Variants in INO80 observed in about 807,000 individuals in gnomAD.
INO80 encodes the protein INO80 complex ATPase subunit.
In INO80, 20 loss-of-function variants were observed where a neutral mutation model predicts 203.4. The observed-to-expected ratio is 0.10, with a 90% CI of 0.07 to 0.14. The LOEUF (loss-of-function observed/expected upper bound fraction) is 0.14. Ranked by LOEUF, INO80 falls within the 10% of genes least tolerant of loss-of-function variation. The pLI, the probability that INO80 is intolerant of heterozygous loss-of-function variation, is 1.00. For missense variants in INO80, 1,419 were observed against 1,914.4 expected (o/e 0.74, Z 4.83); for synonymous variants, 726 against 685.2 (o/e 1.06, Z -0.93).
chr15:41,075,654 C>T (rs866297652), intron 9 of INO80, among the ~76,000 whole-genome samples: 1 of 152,144 alleles, frequency 6.6e-6, no homozygotes, highest in Non-Finnish European at 1.5e-5. Flanking sequence ...CGCGGTTTCA[C>T]TGCGTTAGCC....
intron 28 of INO80, among the ~76,000 whole-genome samples, chr15:40,997,919 T>G (rs1035264462): frequency 6.6e-6 from 1 of 152,102 alleles, no homozygotes; most frequent in Non-Finnish European, 1.5e-5. Context: ...TCTCTCACTG[T>G]CATATTTTTA....
At chr15:41,112,711 C>G (rs1040612794) in intron 1 of INO80, among the ~76,000 whole-genome samples, 1 of 144,246 alleles carries the variant, frequency 6.9e-6, no homozygotes, top group African/African-American at 2.5e-5. Flanking sequence ...TTTCTTGAAC[C>G]CGGGAGGCAG....
chr15:41,095,974 A>C, intron 2 of INO80, 46 bp from the exon 3 acceptor site: 1 of 1,559,604 alleles, frequency 6.4e-7, no homozygotes, highest in Non-Finnish European at 8.8e-7. Context: ...ACCCAATAAA[A>C]TATAATTTAA....
chr15:41,108,540 C>T (rs1306801630), intron 1 of INO80, among the ~76,000 whole-genome samples: 2 of 146,604 alleles, frequency 1.4e-5, no homozygotes, highest in African/African-American at 2.5e-5. Flanking sequence ...TGCAGTGAGC[C>T]GAGATCTCGC....
chr15:41,031,527 A>AG (rs1181759533), intron 24 of INO80, among the ~76,000 whole-genome samples: 8 of 17,148 alleles, frequency 4.7e-4, no homozygotes, highest in Middle Eastern at 0.024. Flanking sequence ...GAAGGGAGGA[A>AG]GGAGAAGGGA....
chr15:41,042,656 T>C (rs2044688206), intron 24 of INO80, among the ~76,000 whole-genome samples: 1 of 151,928 alleles, frequency 6.6e-6, no homozygotes, highest in Non-Finnish European at 1.5e-5. Flanking sequence ...GTATTTTTAG[T>C]AGATGTGGGG....
Position 41,049,343 on chromosome 15 carries a change from A to G in INO80, c.2520T>C (p.Ile840=). Residue 840 remains isoleucine (I), a synonymous_variant, in exon 21 of 36, where the codon ATT becomes ATC. Coordinates refer to ENST00000648947, the MANE Select transcript of INO80 (RefSeq NM_017553.3). ...GTCCATGACGGTAGATAAACTTTGA[A>G]ATGTGGTATGGCTTTAGGGAAATAT... ...PFHISLKPYH[I]SKFIYRHGQI... 2 of 1,613,916 alleles carry G rather than the reference A, an allele frequency of 1.2e-6. No individual in the cohort carries two copies. The highest frequency in any genetic ancestry group is 1.7e-6 in the Non-Finnish European group (2 of 1,179,762).
intron 26 of INO80, chr15:41,019,388 C>CT (rs1450708243): frequency 6.6e-5 from 10 of 152,298 alleles, no homozygotes; most frequent in Admixed American, 1.3e-4. Context: ...GCCAGTGAGG[C>CT]TGGTGCTTTT....
At chr15:40,998,900 G>A (rs1383514381) in intron 28 of INO80, among the ~76,000 whole-genome samples, 2 of 151,340 alleles carry the variant, frequency 1.3e-5, no homozygotes, top group Non-Finnish European at 2.9e-5. Flanking sequence ...GGTGATGCAC[G>A]TGCCTCAGCC....
intron 1 of INO80, among the ~76,000 whole-genome samples, chr15:41,113,352 C>T (rs1295465341): frequency 2.6e-5 from 4 of 152,084 alleles, no homozygotes; most frequent in African/African-American, 4.8e-5. Flanking sequence ...CTGCAACCTC[C>T]GCCTCCCGGG....
At chr15:40,980,659 C>A (rs1893792622) in intron 35 of INO80, among the ~76,000 whole-genome samples, 1 of 152,114 alleles carries the variant, frequency 6.6e-6, no homozygotes, top group Non-Finnish European at 1.5e-5. Flanking sequence ...TGATACCTAC[C>A]CAACCCTCTC....
intron 1 of INO80, among the ~76,000 whole-genome samples, chr15:41,096,659 C>T (rs1455317488): frequency 1.3e-5 from 2 of 152,164 alleles, no homozygotes; most frequent in East Asian, 3.9e-4. Flanking sequence ...TTATCCCTTT[C>T]AATAAAAAAT....
chr15:41,077,337 AACAAT>A (rs1450558541), intron 9 of INO80, among the ~76,000 whole-genome samples: 4 of 151,274 alleles, frequency 2.6e-5, no homozygotes, highest in East Asian at 1.9e-4. Flanking sequence ...CCAAAAGAAA[AACAAT>A]ACAATAGGGA....
At chr15:41,030,881 C>A (rs532151611) in intron 24 of INO80, among the ~76,000 whole-genome samples, 3 of 151,152 alleles carry the variant, frequency 2.0e-5, no homozygotes, top group African/African-American at 7.3e-5. Context: ...CATATTGGCC[C>A]GGCTGGTCTC....
At chr15:41,062,962 A>G (rs1272317266) in intron 14 of INO80, among the ~76,000 whole-genome samples, 1 of 152,224 alleles carries the variant, frequency 6.6e-6, no homozygotes, top group Admixed American at 6.5e-5. Context: ...AATCAGTCCA[A>G]AAGGACATAA....
intron 24 of INO80, among the ~76,000 whole-genome samples, chr15:41,033,212 A>C (rs2044517470): frequency 6.6e-6 from 1 of 152,122 alleles, no homozygotes; most frequent in South Asian, 2.1e-4. Flanking sequence ...ATTGGAATAG[A>C]CTCAAATCTG....
At chr15:41,080,055 CAGTACTGTGACAT>C in intron 8 of INO80, 151 bp from the exon 9 acceptor site, 1 of 670,660 alleles carries the variant, frequency 1.5e-6, no homozygotes, top group Non-Finnish European at 2.6e-6. Flanking sequence ...TGTCCTTGTA[CAGTACTGTGACAT>C]AGGCCCAGAC....
At chr15:41,055,945 GTT>G (rs5812185) in intron 17 of INO80, among the ~76,000 whole-genome samples, 3 of 128,580 alleles carry the variant, frequency 2.3e-5, no homozygotes, top group Non-Finnish European at 3.1e-5. Flanking sequence ...TCTTCTTTTG[GTT>G]TTTTTTTTTT....
chr15:40,988,861 A>G (rs961011521), intron 29 of INO80, among the ~76,000 whole-genome samples: 42 of 152,170 alleles, frequency 2.8e-4, no homozygotes, highest in African/African-American at 9.9e-4. Flanking sequence ...CTAAAAATAC[A>G]AAAATTAGCT....
Sources: allele counts gnomAD v4.1 joint callset (sites outside exome capture counted in the v4.1 genomes callset), GRCh38; gene constraint gnomAD v4.1.1; transcripts MANE v1.5; gene names NCBI Gene and HGNC (gene_info 2026-07-23, HGNC 2026-07-21).